Variants in MALRD1 observed in about 807,000 individuals in gnomAD.
MALRD1 encodes MAM and LDL-receptor class A domain-containing protein 1.
In MALRD1, 247 loss-of-function variants were observed where a neutral mutation model predicts 242.1. That is an observed-to-expected ratio of 1.02 (90% confidence interval 0.92 to 1.13). The LOEUF (loss-of-function observed/expected upper bound fraction) is 1.13, where lower values mean the gene tolerates loss of function less well. MALRD1 is among the 50% of genes most tolerant of loss of function. The pLI is 0.00. For missense variants in MALRD1, 2,989 were observed against 2,533.1 expected, an observed-to-expected ratio of 1.18 and a Z score of -3.86; for synonymous variants, 995 against 866.6, an observed-to-expected ratio of 1.15 and a Z score of -2.60.
rs188545010 is a variant in MALRD1 at position 19,702,705 on chromosome 10, A to G, written c.6314+10151A>G. The stretch of plus-strand genomic sequence containing the variant: ...TTTTGCATGAAATCATTTAAGCCCT[A>G]AAGTAAGTTAAAATGTTTGGGCAAG... On this transcript the variant is annotated intron_variant, in intron 38 of 39. Coordinates refer to ENST00000454679, the MANE Select transcript of MALRD1 (RefSeq NM_001142308.3). Among the ~76,000 whole-genome samples, 237 of 152,302 alleles carry G rather than the reference A, an allele frequency of 1.6e-3. 1 individual carries two copies. The highest frequency in any genetic ancestry group is 5.4e-3 in the African/African-American group (225 of 41,570).
intron 24 of MALRD1, among the ~76,000 whole-genome samples, chr10:19,339,770 A>G (rs1843759810): frequency 6.6e-6 from 1 of 152,176 alleles, no homozygotes; most frequent in South Asian, 2.1e-4. Flanking sequence ...TAAATTTTGT[A>G]GGTACATAGT....
intron 29 of MALRD1, among the ~76,000 whole-genome samples, chr10:19,473,948 G>A (rs1418174132): frequency 1.3e-5 from 2 of 152,016 alleles, no homozygotes; most frequent in Admixed American, 6.5e-5. Context: ...AAAAGTACAC[G>A]AGGGTTCCAT....
intron 18 of MALRD1, among the ~76,000 whole-genome samples, chr10:19,256,650 G>T (rs1281823314): frequency 2.6e-5 from 4 of 152,014 alleles, no homozygotes; most frequent in Admixed American, 6.6e-5. Flanking sequence ...GAAAATCCTG[G>T]TAGACCTCAA....
intron 18 of MALRD1, among the ~76,000 whole-genome samples, chr10:19,238,498 A>AATGTACATTAT (rs771305023): frequency 0.1 from 723 of 7,102 alleles, 76 homozygotes; most frequent in African/African-American, 0.29. Flanking sequence ...TATAATATAT[A>AATGTACATTAT]ATATAATATA....
chr10:19,483,804 TA>T (rs1218196463), intron 29 of MALRD1, among the ~76,000 whole-genome samples: 3 of 151,798 alleles, frequency 2.0e-5, no homozygotes, highest in Admixed American at 1.3e-4. Context: ...ATATTTCTAC[TA>T]AAAAAAAGAT....
intron 36 of MALRD1, among the ~76,000 whole-genome samples, chr10:19,687,479 C>G (rs544120875): frequency 6.6e-6 from 1 of 152,188 alleles, no homozygotes; most frequent in Non-Finnish European, 1.5e-5. Context: ...TCCCCACTTG[C>G]ACTGGTTTTC....
At chr10:19,713,708 T>C (rs921333503) in intron 38 of MALRD1, among the ~76,000 whole-genome samples, 1 of 152,174 alleles carries the variant, frequency 6.6e-6, no homozygotes, top group Non-Finnish European at 1.5e-5. Flanking sequence ...AGCAATCTAG[T>C]TGGAAAAATA....
chr10:19,660,994 T>C (rs566159656), intron 36 of MALRD1, among the ~76,000 whole-genome samples: 4 of 152,202 alleles, frequency 2.6e-5, no homozygotes, highest in Admixed American at 2.0e-4. Context: ...AGACACTTCT[T>C]GAAAGAAGAC....
At chr10:19,306,995 C>G (rs1027026254) in intron 21 of MALRD1, among the ~76,000 whole-genome samples, 1 of 151,210 alleles carries the variant, frequency 6.6e-6, no homozygotes. Flanking sequence ...GGGATACAGC[C>G]AAAACATATC....
intron 18 of MALRD1, among the ~76,000 whole-genome samples, chr10:19,233,485 A>G (rs1408987856): frequency 6.6e-6 from 1 of 152,174 alleles, no homozygotes; most frequent in Non-Finnish European, 1.5e-5. Context: ...CTGAGTGACA[A>G]GAGTGAAACT....
At chr10:19,641,059 G>A (rs1016528724) in intron 36 of MALRD1, among the ~76,000 whole-genome samples, 1 of 152,086 alleles carries the variant, frequency 6.6e-6, no homozygotes, top group African/African-American at 2.4e-5. Context: ...AGGCTTAAAT[G>A]AGTGAAAAAG....
chr10:19,728,395 A>G (rs1835139659), intron 38 of MALRD1: 1 of 152,216 alleles, frequency 6.6e-6, no homozygotes, highest in Non-Finnish European at 1.5e-5. Flanking sequence ...TGAGAATTAT[A>G]TAAATTTACC....
chr10:19,292,044 C>T (rs1006547166), intron 21 of MALRD1, among the ~76,000 whole-genome samples: 12 of 137,356 alleles, frequency 8.7e-5, no homozygotes, highest in Non-Finnish European at 1.8e-4. Flanking sequence ...GATGGTGCCA[C>T]TGCACTCCAG....
At chr10:19,348,147 G>T (rs1844214250) in intron 25 of MALRD1, 129 bp downstream of exon 25, 1 of 1,268,248 alleles carries the variant, frequency 7.9e-7, no homozygotes. Context: ...TTCAACTTTG[G>T]ATATGTGAAG....
chr10:19,731,510 G>GTGTGTGTGTGTT (rs1564577022), intron 39 of MALRD1, among the ~76,000 whole-genome samples: 1 of 152,004 alleles, frequency 6.6e-6, no homozygotes, highest in African/African-American at 2.4e-5. Flanking sequence ...GTGTGTGTGT[G>GTGTGTGTGTGTT]TGTGTGTGTG....
chr10:19,054,510 A>G (rs1483991399), intron 1 of MALRD1, among the ~76,000 whole-genome samples: 1 of 152,022 alleles, frequency 6.6e-6, no homozygotes, highest in African/African-American at 2.4e-5. Context: ...CTCAGAATTT[A>G]CTCTGCTTAT....
chr10:19,326,056 A>T (rs191037327), intron 22 of MALRD1, among the ~76,000 whole-genome samples: 15 of 152,222 alleles, frequency 9.9e-5, no homozygotes, highest in African/African-American at 3.4e-4. Context: ...TTATAATGTG[A>T]GACTTCGTTC....
At chr10:19,501,888 A>G (rs1837988332) in intron 31 of MALRD1, among the ~76,000 whole-genome samples, 3 of 151,454 alleles carry the variant, frequency 2.0e-5, no homozygotes, top group African/African-American at 7.3e-5. Flanking sequence ...AAAATTAGCC[A>G]GGTGTGGTAG....
rs1838917792 is a variant in MALRD1, at chr10:19,243,813, A to G, written c.2992-13871A>G. Among the ~76,000 whole-genome samples the G allele has an allele frequency of 2.0e-5, 3 of 152,186 alleles. No individual in the cohort carries two copies. The South Asian group carries it at 6.2e-4, about 31-fold the overall frequency. ...CTTGGGTCTGCTTCTTCAGAAGCCT[A>G]GGAAGTGGAGTGATGGTTCTCTGAA... On this transcript the variant is annotated intron_variant, in intron 18 of 39. Coordinates refer to ENST00000454679, the MANE Select transcript of MALRD1 (RefSeq NM_001142308.3).
Sources: allele counts gnomAD v4.1 joint callset (sites outside exome capture counted in the v4.1 genomes callset), GRCh38; gene constraint gnomAD v4.1.1; transcripts MANE v1.5; gene names NCBI Gene and HGNC (gene_info 2026-07-23, HGNC 2026-07-21).